Variants in RANBP2 observed in about 807,000 individuals in gnomAD.
RANBP2 encodes RAN binding protein 2.
RANBP2 carries 57 observed loss-of-function variants against 303.6 expected under a neutral mutation model. The ratio of observed to expected loss-of-function variants is 0.19; its 90% CI spans 0.15 to 0.23. The LOEUF (loss-of-function observed/expected upper bound fraction) is 0.23. Among genes scored for constraint, RANBP2 ranks in the 10% least tolerant of loss-of-function variants. RANBP2 has a pLI of 1.00. For missense variants in RANBP2, 3,138 were observed against 3,780.8 expected, an observed-to-expected ratio of 0.83 and a Z score of 4.46; for synonymous variants, 1,167 against 1,301.5, an observed-to-expected ratio of 0.90 and a Z score of 2.23.
At chr2:109,667,315 G>A in the RANBP2 span, 2 of 601,488 alleles carry the variant, frequency 3.3e-6, no homozygotes, top group East Asian at 3.2e-5. Flanking sequence ...CCAATTGACT[G>A]CCATTTAGAG....
chr2:109,451,004 C>G, the RANBP2 span, among the ~76,000 whole-genome samples: 8 of 152,362 alleles, frequency 5.3e-5, no homozygotes, highest in African/African-American at 1.9e-4. Context: ...TGCCCATCAC[C>G]CTGGAGGCAG....
chr2:109,565,803 C>A, the RANBP2 span: 1 of 1,613,990 alleles, frequency 6.2e-7, no homozygotes, highest in Non-Finnish European at 8.5e-7. Context: ...CTTTGACCAT[C>A]TTGTTTCCGA....
At chr2:109,049,698 A>G in the RANBP2 span, among the ~76,000 whole-genome samples, 1 of 152,238 alleles carries the variant, frequency 6.6e-6, no homozygotes, top group African/African-American at 2.4e-5. Flanking sequence ...TTCATTATCC[A>G]GGCCCTCACT....
the RANBP2 span, among the ~76,000 whole-genome samples, chr2:109,204,091 C>T: frequency 1.3e-5 from 2 of 152,218 alleles, no homozygotes; most frequent in Admixed American, 1.3e-4. Context: ...CACTGGCTGT[C>T]ATGAACAGTC....
At chr2:109,489,666 G>C in the RANBP2 span, among the ~76,000 whole-genome samples, 1 of 150,550 alleles carries the variant, frequency 6.6e-6, no homozygotes. Flanking sequence ...TGGGGGCCTC[G>C]GGGCCTATTT....
intron 23 of RANBP2, among the ~76,000 whole-genome samples, chr2:108,774,236 A>C (rs1412433470): frequency 6.6e-6 from 1 of 152,158 alleles, no homozygotes; most frequent in Non-Finnish European, 1.5e-5. Context: ...ATCTTGTTAT[A>C]AATTTTTGGG....
the RANBP2 span, among the ~76,000 whole-genome samples, chr2:109,726,059 GT>G: frequency 0.055 from 359 of 6,530 alleles, 1 homozygote; most frequent in East Asian, 0.43. Context: ...TTTGCTTTTG[GT>G]GTGTGTGTGT....
At chr2:109,199,588 G>GTTCC in the RANBP2 span, among the ~76,000 whole-genome samples, 1 of 504 alleles carries the variant, frequency 2.0e-3, no homozygotes, top group African/African-American at 6.2e-3. Flanking sequence ...GGAATGGAAT[G>GTTCC]GAATGGAATG....
intron 7 of RANBP2, among the ~76,000 whole-genome samples, chr2:108,744,636 T>G (rs531411599): frequency 2.6e-5 from 4 of 152,328 alleles, no homozygotes; most frequent in Admixed American, 2.6e-4. Flanking sequence ...AGAAAACTTG[T>G]GAGTAAAAGG....
the RANBP2 span, among the ~76,000 whole-genome samples, chr2:109,454,307 C>G: frequency 6.6e-6 from 1 of 152,216 alleles, no homozygotes; most frequent in South Asian, 2.1e-4. Flanking sequence ...GAAAGCGCCT[C>G]AGCTGGGCAT....
At chr2:108,954,788 G>C in the RANBP2 span, among the ~76,000 whole-genome samples, 1 of 151,712 alleles carries the variant, frequency 6.6e-6, no homozygotes, top group Non-Finnish European at 1.5e-5. Flanking sequence ...CGATTCTCCT[G>C]TCTCAGCCTC....
chr2:109,517,120 G>A, the RANBP2 span, among the ~76,000 whole-genome samples: 2 of 152,152 alleles, frequency 1.3e-5, no homozygotes, highest in Non-Finnish European at 2.9e-5. Context: ...ACTGAGTTCT[G>A]GGGGACTGGT....
intron 2 of RANBP2, among the ~76,000 whole-genome samples, 191 bp from the exon 3 acceptor site, chr2:108,730,583 C>T (rs191397799): frequency 8.6e-4 from 131 of 152,232 alleles, no homozygotes; most frequent in Non-Finnish European, 1.2e-3. Flanking sequence ...ATGTGGTCAA[C>T]TCTATGTACG....
the RANBP2 span, chr2:109,371,541 G>A: frequency 6.5e-7 from 1 of 1,538,320 alleles, no homozygotes; most frequent in South Asian, 1.1e-5. Context: ...TTTTCATTGT[G>A]TGTGTGTCCG....
chr2:109,551,206 A>G, the RANBP2 span, among the ~76,000 whole-genome samples: 1 of 152,266 alleles, frequency 6.6e-6, no homozygotes, highest in Non-Finnish European at 1.5e-5. Flanking sequence ...ATCTAAGCAC[A>G]CATCATTTTA....
chr2:109,027,770 C>T, the RANBP2 span, among the ~76,000 whole-genome samples: 9 of 151,904 alleles, frequency 5.9e-5, no homozygotes, highest in East Asian at 1.6e-3. Flanking sequence ...GGTGGGTGGG[C>T]GGCAGCTCTG....
the RANBP2 span, among the ~76,000 whole-genome samples, chr2:109,608,399 T>C: frequency 1.3e-5 from 2 of 152,190 alleles, no homozygotes; most frequent in Admixed American, 6.5e-5. Flanking sequence ...GCTATCCCCA[T>C]AAATACAGAC....
At chr2:109,381,805 A>G in the RANBP2 span, among the ~76,000 whole-genome samples, 2 of 152,074 alleles carry the variant, frequency 1.3e-5, no homozygotes, top group Non-Finnish European at 2.9e-5. Context: ...TATGGCTCGC[A>G]GGGTCTGTGT....
chr2:108,767,144 G>A lies in RANBP2; in HGVS notation c.6605G>A (p.Gly2202Asp), dbSNP rs763085166. 3.7e-6 allele frequency: 6 copies of A among 1,611,982 alleles called. No individual in the cohort carries two copies. The highest frequency in any genetic ancestry group is 5.1e-6 in the Non-Finnish European group (6 of 1,179,852). ...GAAGAAAATAAGGGTTCAGGTACAGGTGCGGCCGGTGCCTCAGACACAACA... is the reference window on the plus strand; with the variant it reads ...GAAGAAAATAAGGGTTCAGGTACAGATGCGGCCGGTGCCTCAGACACAACA... ...TEEENKGSGTGAAGASDTTIK... is the reference protein window; with the variant it reads ...TEEENKGSGTDAAGASDTTIK... The change falls in exon 20 of 29, where the codon GGT becomes GAT. Residue 2202 changes from glycine to aspartate, a missense_variant. Gly to Asp is a moderately conservative substitution (Grantham distance 94). Coordinates refer to ENST00000283195, the MANE Select transcript of RANBP2 (RefSeq NM_006267.5).
Sources: gnomAD v4.1 joint callset for allele counts (sites outside exome capture counted in the v4.1 genomes callset) on GRCh38, gnomAD v4.1.1 for gene constraint, MANE v1.5 for transcripts, NCBI Gene and HGNC (gene_info 2026-07-23, HGNC 2026-07-21) for gene names.